Variants in HDAC4 observed in about 807,000 individuals in gnomAD.
HDAC4 encodes the protein histone deacetylase 4.
In HDAC4, 16 loss-of-function variants were observed where a neutral mutation model predicts 135.1. The observed-to-expected ratio is 0.12, with a 90% CI of 0.08 to 0.18. The LOEUF (loss-of-function observed/expected upper bound fraction) is 0.18, where lower values mean the gene tolerates loss of function less well. Among genes scored for constraint, HDAC4 ranks in the 10% least tolerant of loss-of-function variants. The pLI is 1.00. For missense variants in HDAC4, 1,143 were observed against 1,511.8 expected (o/e 0.76, Z 4.05); for synonymous variants, 685 against 653.4 (o/e 1.05, Z -0.74).
chr2:239,117,369 T>C (rs1258587070), intron 12 of HDAC4, among the ~76,000 whole-genome samples: 2 of 152,120 alleles, frequency 1.3e-5, no homozygotes, highest in Admixed American at 1.3e-4. Flanking sequence ...CAGGTTTCCA[T>C]GACACCAAAA....
chr2:239,054,269 C>A (rs1007990844), intron 25 of HDAC4, among the ~76,000 whole-genome samples: 1 of 152,080 alleles, frequency 6.6e-6, no homozygotes, highest in Admixed American at 6.5e-5. Flanking sequence ...AGATAGGCTG[C>A]GTGCCACGCC....
intron 7 of HDAC4, among the ~76,000 whole-genome samples, chr2:239,149,514 T>C (rs7591120): frequency 0.028 from 4,196 of 152,036 alleles, 198 homozygotes; most frequent in African/African-American, 0.096. Context: ...GCAAAGACGA[T>C]GCCCCACAGA....
At chr2:239,260,781 C>T (rs548173332) in intron 2 of HDAC4, among the ~76,000 whole-genome samples, 1 of 152,192 alleles carries the variant, frequency 6.6e-6, no homozygotes, top group Non-Finnish European at 1.5e-5. Context: ...CCGAGCGCTG[C>T]CTCTCTTTCC....
chr2:239,084,725 C>T (rs1574959926), intron 19 of HDAC4, among the ~76,000 whole-genome samples: 4 of 132,098 alleles, frequency 3.0e-5, no homozygotes, highest in Non-Finnish European at 5.0e-5. Context: ...TACACACATA[C>T]ATGCCCCACA....
At chr2:239,371,580 CACAG>C (rs527372931) in intron 1 of HDAC4, among the ~76,000 whole-genome samples, 44 of 152,000 alleles carry the variant, frequency 2.9e-4, no homozygotes, top group African/African-American at 6.0e-4. Context: ...GTAACACACC[CACAG>C]ACATTCACAA....
chr2:239,057,620 T>C (rs1394074354), intron 24 of HDAC4, among the ~76,000 whole-genome samples: 5 of 152,234 alleles, frequency 3.3e-5, no homozygotes, highest in Non-Finnish European at 7.3e-5. Flanking sequence ...AATCAATGTG[T>C]CAAGAGCAAA....
intron 22 of HDAC4, among the ~76,000 whole-genome samples, chr2:239,077,340 G>T (rs901197949): frequency 6.6e-6 from 1 of 152,210 alleles, no homozygotes; most frequent in Non-Finnish European, 1.5e-5. Context: ...TCAGCTGGGG[G>T]CTTGCCTCCT....
rs530100083 is a variant in HDAC4 at position 239,317,860 on chromosome 2, T to C, written c.22+34818A>G. Among the ~76,000 whole-genome samples, 36 of 152,310 alleles carry C rather than the reference T, an allele frequency of 2.4e-4. No individual in the cohort carries two copies. In the South Asian group the frequency reaches 6.6e-3, roughly 28 times the overall value. On this transcript the variant is annotated intron_variant, in intron 2 of 26. Coordinates refer to ENST00000543185, the MANE Select transcript of HDAC4 (RefSeq NM_001378414.1). ...GAAAAATAACCTTGGTTTTATTCTG[T>C]ATTATTTCACTTAAAAGTCAGTTTC...
At chr2:239,178,083 T>G (rs999026357) in intron 4 of HDAC4, among the ~76,000 whole-genome samples, 5 of 152,198 alleles carry the variant, frequency 3.3e-5, no homozygotes, top group Non-Finnish European at 7.4e-5. Context: ...CTGCACACAC[T>G]TTCCTCGGCT....
chr2:239,215,737 G>A (rs575719869), intron 3 of HDAC4, among the ~76,000 whole-genome samples: 2 of 152,312 alleles, frequency 1.3e-5, no homozygotes, highest in South Asian at 4.1e-4. Flanking sequence ...ACAAGAAAGT[G>A]TGGACTGGCA....
intron 1 of HDAC4, among the ~76,000 whole-genome samples, chr2:239,385,770 G>A (rs573672034): frequency 6.6e-6 from 1 of 152,232 alleles, no homozygotes; most frequent in Non-Finnish European, 1.5e-5. Flanking sequence ...GGGACAGGAG[G>A]CCAGGCAAGC....
At chr2:239,173,540 A>C (rs2043581334) in intron 5 of HDAC4, among the ~76,000 whole-genome samples, 1 of 152,238 alleles carries the variant, frequency 6.6e-6, no homozygotes, top group African/African-American at 2.4e-5. Flanking sequence ...AAACAAGTAG[A>C]CAAATGAGTA....
chr2:239,068,249 G>A lies in HDAC4; in HGVS notation c.2869+240C>T, dbSNP rs1355821953. ...GCATCCCAGAGAGGGAGCCTCGTGT[G>A]CCCTAGGCCCTTCCTGGGCAAAGAG... is the stretch of plus-strand genomic sequence containing the variant. On this transcript the variant is annotated intron_variant, in intron 23 of 26. Transcript: ENST00000543185. This position sits in a 1 kb window ranked among gnomAD's most constrained non-coding sequence, Gnocchi z 4.4. 6.6e-6 allele frequency among the ~76,000 whole-genome samples: 1 copy of A among 152,204 alleles called. No homozygotes were observed. Among genetic ancestry groups the A allele is most frequent in the Non-Finnish European group, 1.5e-5 (1 of 68,032 alleles).
At chr2:239,287,111 G>C (rs1207166790) in intron 2 of HDAC4, among the ~76,000 whole-genome samples, 1 of 152,176 alleles carries the variant, frequency 6.6e-6, no homozygotes, top group Non-Finnish European at 1.5e-5. Flanking sequence ...TCTATACCAG[G>C]ATGGGGCATG....
In HDAC4 at chr2:239,400,655, CA is replaced by C. The variant is rs1292142988; in HGVS notation, c.-220+322del. The C allele has an allele frequency of 1.4e-5, 2 of 146,006 alleles. No homozygotes were observed. The highest frequency in any genetic ancestry group is 3.0e-5 in the Non-Finnish European group (2 of 65,640). The allele number at this position is 146,006 out of a possible 1,614,324, so 9.0% of individuals were successfully genotyped here. ...CGCGGGGCGCGGGGCGGGCGGCGGA[CA>C]ATGGCCCGCGGGCGCCGGGCCGGGG... On this transcript the variant is annotated intron_variant, in intron 1 of 26. Coordinates refer to ENST00000543185, the MANE Select transcript of HDAC4 (RefSeq NM_001378414.1). This position sits in a 1 kb window ranked among gnomAD's most constrained non-coding sequence, Gnocchi z 4.7.
At chr2:239,286,738 C>CA (rs11402529) in intron 2 of HDAC4, among the ~76,000 whole-genome samples, 40,189 of 151,930 alleles carry the variant, frequency 0.26, 5,416 homozygotes, top group African/African-American at 0.3. Context: ...GAGACACAGA[C>CA]AGACAAGGAA....
chr2:239,082,835 G>A (rs1002087850), intron 20 of HDAC4, among the ~76,000 whole-genome samples: 8 of 152,260 alleles, frequency 5.3e-5, no homozygotes, highest in African/African-American at 1.9e-4. Context: ...CAGGCAGCCT[G>A]GGGCTTTACT....
chr2:239,310,916 G>A (rs1481953746), intron 2 of HDAC4, among the ~76,000 whole-genome samples: 2 of 152,188 alleles, frequency 1.3e-5, no homozygotes, highest in African/African-American at 4.8e-5. Context: ...ACGGCCACCG[G>A]CCATTTAAGA....
chr2:239,182,208 C>A (rs1030926608), intron 4 of HDAC4, among the ~76,000 whole-genome samples: 49 of 152,192 alleles, frequency 3.2e-4, no homozygotes, highest in African/African-American at 1.2e-3. Flanking sequence ...CTTCGGGGTG[C>A]TTCTCAGCTC....
Sources: allele counts gnomAD v4.1 joint callset (sites outside exome capture counted in the v4.1 genomes callset), GRCh38; gene constraint gnomAD v4.1.1; non-coding constraint Gnocchi (gnomAD v3.1); transcripts MANE v1.5; gene names NCBI Gene and HGNC (gene_info 2026-07-23, HGNC 2026-07-21).